ENOX1: variants seen among roughly 807,000 people sequenced by gnomAD.
The protein encoded by ENOX1 is ecto-NOX disulfide-thiol exchanger 1.
Under a neutral mutation model 82.5 loss-of-function variants are expected in ENOX1, and 42 were observed. The ratio of observed to expected loss-of-function variants is 0.51; its 90% CI spans 0.40 to 0.66. The LOEUF (loss-of-function observed/expected upper bound fraction) is 0.66, where lower values mean the gene tolerates loss of function less well. ENOX1 is among the 30% of genes least tolerant of loss of function. The pLI, the probability that ENOX1 is intolerant of heterozygous loss-of-function variation, is 0.00. For synonymous variants in ENOX1, 271 were observed against 282.2 expected (o/e 0.96, Z 0.40); for missense variants, 608 against 811.6 (o/e 0.75, Z 3.05).
chr13:43,620,386 G>A (rs1372456418), intron 2 of ENOX1, among the ~76,000 whole-genome samples: 1 of 151,854 alleles, frequency 6.6e-6, no homozygotes, highest in Non-Finnish European at 1.5e-5. Flanking sequence ...GGGGTTTTGG[G>A]TTATGCTTTC....
At chr13:43,294,080 T>C (rs1206164429) in intron 12 of ENOX1, among the ~76,000 whole-genome samples, 1 of 152,174 alleles carries the variant, frequency 6.6e-6, no homozygotes, top group Non-Finnish European at 1.5e-5. Flanking sequence ...ACCTTACTAA[T>C]GTCAAGCTAA....
At chr13:43,234,957 A>G (rs927073621) in intron 15 of ENOX1, among the ~76,000 whole-genome samples, 8 of 152,316 alleles carry the variant, frequency 5.3e-5, no homozygotes, top group Admixed American at 4.6e-4. Flanking sequence ...ACTGGTTCCC[A>G]TTTTTTTAAC....
chr13:43,735,963 G>A (rs748881438), intron 1 of ENOX1, among the ~76,000 whole-genome samples: 5 of 152,176 alleles, frequency 3.3e-5, no homozygotes, highest in Non-Finnish European at 7.3e-5. Flanking sequence ...CAACATTACA[G>A]AAGGTAAAGT....
At chr13:43,502,223 A>G (rs1003306024) in intron 2 of ENOX1, among the ~76,000 whole-genome samples, 2 of 151,722 alleles carry the variant, frequency 1.3e-5, no homozygotes, top group Non-Finnish European at 3.0e-5. Flanking sequence ...AGAGCTAATA[A>G]GTAATCAAAA....
intron 1 of ENOX1, among the ~76,000 whole-genome samples, chr13:43,682,434 A>T (rs1356423065): frequency 2.0e-5 from 3 of 152,148 alleles, no homozygotes; most frequent in Non-Finnish European, 4.4e-5. Flanking sequence ...TACTAGAACC[A>T]TGCTTGGTAA....
intron 2 of ENOX1, among the ~76,000 whole-genome samples, chr13:43,495,947 A>T (rs1259636088): frequency 3.3e-5 from 5 of 152,106 alleles, no homozygotes; most frequent in Admixed American, 3.3e-4. Context: ...TCAAATGTTT[A>T]TTAAACATTC....
chr13:43,457,080 G>C (rs1204253031), intron 3 of ENOX1, among the ~76,000 whole-genome samples: 1 of 152,130 alleles, frequency 6.6e-6, no homozygotes, highest in Non-Finnish European at 1.5e-5. Context: ...TAATTTTAAT[G>C]AGATTTATTT....
intron 1 of ENOX1, among the ~76,000 whole-genome samples, chr13:43,679,320 C>T (rs1594377583): frequency 6.6e-6 from 1 of 152,130 alleles, no homozygotes; most frequent in South Asian, 2.1e-4. Context: ...GGGGAATGAA[C>T]AAGATCAAGT....
At chr13:43,441,033 T>C (rs1242673224) in intron 3 of ENOX1, among the ~76,000 whole-genome samples, 1 of 152,182 alleles carries the variant, frequency 6.6e-6, no homozygotes, top group Non-Finnish European at 1.5e-5. Flanking sequence ...ATCAAGGATA[T>C]TCTATAAGAT....
intron 2 of ENOX1, among the ~76,000 whole-genome samples, chr13:43,530,914 A>G (rs2078181710): frequency 6.6e-6 from 1 of 152,062 alleles, no homozygotes; most frequent in Admixed American, 6.6e-5. Context: ...AATCTGTATC[A>G]GTAATAGGAG....
intron 1 of ENOX1, among the ~76,000 whole-genome samples, chr13:43,709,753 T>G (rs2087562873): frequency 6.6e-6 from 1 of 152,140 alleles, no homozygotes; most frequent in Non-Finnish European, 1.5e-5. Flanking sequence ...ACAAACTGAT[T>G]TTTAAATGAG....
intron 11 of ENOX1, among the ~76,000 whole-genome samples, chr13:43,306,678 C>A (rs538666220): frequency 6.6e-6 from 1 of 152,298 alleles, no homozygotes; most frequent in South Asian, 2.1e-4. Flanking sequence ...ATTTTCTCAC[C>A]AATCTACAGT....
At chr13:43,653,652 A>G (rs529021946) in intron 2 of ENOX1, among the ~76,000 whole-genome samples, 96 of 152,326 alleles carry the variant, frequency 6.3e-4, no homozygotes, top group African/African-American at 2.3e-3. Context: ...TCCAGAAAAT[A>G]TTAACTCCCC....
At chr13:43,563,373 T>G (rs2079771684) in intron 2 of ENOX1, among the ~76,000 whole-genome samples, 1 of 152,090 alleles carries the variant, frequency 6.6e-6, no homozygotes, top group African/African-American at 2.4e-5. Context: ...CCAAAACCTA[T>G]GGGTTACAGA....
chr13:43,379,572 T>A (rs192075771), intron 5 of ENOX1, among the ~76,000 whole-genome samples: 2 of 152,166 alleles, frequency 1.3e-5, no homozygotes, highest in Admixed American at 1.3e-4. Flanking sequence ...TGATGATTTA[T>A]TTAAAAAGTT....
At chr13:43,412,736 A>G in intron 4 of ENOX1, 109 bp downstream of exon 4, 1 of 1,226,714 alleles carries the variant, frequency 8.2e-7, no homozygotes, top group African/African-American at 1.5e-5. Flanking sequence ...TGATTTCTTT[A>G]TGGGCCCAGG....
In ENOX1 at chr13:43,593,669, TAC is replaced by T. The variant is rs58120566; in HGVS notation, c.-219+73808_-219+73809del. On this transcript the variant is annotated intron_variant, in intron 2 of 16. Coordinates refer to ENST00000690772, the MANE Select transcript of ENOX1 (RefSeq NM_001347969.2). ...CCCCCACCCTGCCACCCAATCTCTG[TAC>T]ACACACACACACACACACACACACA... is the stretch of plus-strand genomic sequence containing the variant. 2.9e-3 allele frequency among the ~76,000 whole-genome samples: 204 copies of T among 69,182 alleles called. 2 individuals are homozygous for T. Among genetic ancestry groups the T allele is most frequent in the African/African-American group, 0.011 (186 of 16,806 alleles). The allele number at this position is 69,182 out of a possible 152,430, so 45.4% of individuals were successfully genotyped here. A position where few individuals can be genotyped will look rare whatever the true frequency, so the allele number is the denominator to read the frequency against.
chr13:43,353,145 T>C (rs2049919101), intron 8 of ENOX1, among the ~76,000 whole-genome samples: 1 of 152,210 alleles, frequency 6.6e-6, no homozygotes, highest in African/African-American at 2.4e-5. Flanking sequence ...CATCTGGTCA[T>C]GCCCAGTAGA....
intron 3 of ENOX1, among the ~76,000 whole-genome samples, chr13:43,420,870 A>G (rs536637312): frequency 1.2e-4 from 19 of 152,360 alleles, no homozygotes; most frequent in Middle Eastern, 3.4e-3. Flanking sequence ...AACATCCTAC[A>G]TGATAACGCA....
Sources: allele counts gnomAD v4.1 joint callset (sites outside exome capture counted in the v4.1 genomes callset), GRCh38; gene constraint gnomAD v4.1.1; transcripts MANE v1.5; gene names NCBI Gene and HGNC (gene_info 2026-07-23, HGNC 2026-07-21).